The following MAP3K15 variants were observed in gnomAD, a reference collection of about 807,000 sequenced individuals.
MAP3K15 encodes MAPK/ERK kinase kinase 15.
Under a neutral mutation model 99.5 loss-of-function variants are expected in MAP3K15, and 124 were observed. The ratio of observed to expected loss-of-function variants is 1.25; its 90% CI spans 1.08 to 1.45. MAP3K15 has a LOEUF of 1.45. Ranked by LOEUF, MAP3K15 falls within the 40% of genes most tolerant of loss-of-function variation. MAP3K15 has a pLI of 0.00. For missense variants in MAP3K15, 1,242 were observed against 1,079.7 expected, an observed-to-expected ratio of 1.15 and a Z score of -2.11; for synonymous variants, 494 against 439.6, an observed-to-expected ratio of 1.12 and a Z score of -1.55.
At chrX:19,462,252 A>G (rs1455787442) in intron 4 of MAP3K15, among the ~76,000 whole-genome samples, 2 of 112,385 alleles carry the variant, frequency 1.8e-5, no homozygotes, top group Non-Finnish European at 3.8e-5. Context: ...GAGGACCTCC[A>G]TTAACATTTA....
chrX:19,456,834 C>A, intron 6 of MAP3K15, 79 bp downstream of exon 6: 1 of 730,458 alleles, frequency 1.4e-6, no homozygotes, highest in Non-Finnish European at 2.0e-6. Context: ...CTGGCTCATA[C>A]CCGATGTTGA....
chrX:19,506,766 C>T (rs150030548), intron 1 of MAP3K15, among the ~76,000 whole-genome samples: 3,397 of 111,646 alleles, frequency 0.03, 109 homozygotes, highest in African/African-American at 0.093. Context: ...TCCAATGATC[C>T]GCCTGCCTTG....
intron 25 of MAP3K15, among the ~76,000 whole-genome samples, chrX:19,364,295 A>G (rs1166369181): frequency 8.9e-6 from 1 of 112,106 alleles, no homozygotes; most frequent in South Asian, 3.7e-4. Flanking sequence ...CTGTGCCTCA[A>G]ACTTCCCCCA....
Position 19,362,763 on chromosome X carries a change from G to T in MAP3K15, c.3654C>A (p.His1218Gln), listed in dbSNP as rs149055708. Residue 1218 changes from histidine to glutamine, a missense_variant, in exon 26 of 29, where the codon CAC becomes CAA. Physicochemically the swap from His to Gln is conservative, Grantham distance 24. Transcript: ENST00000338883. ...TLEQKTQELY[H>Q]LQLKLKSNCI... is the part of the protein sequence containing the mutation. The stretch of plus-strand genomic sequence containing the variant: ...AATTCGATTTTAATTTTAACTGAAG[G>T]TGATACAATTCTTGAGTTTTCTGTT... The T allele has an allele frequency of 1.4e-5, 17 of 1,176,099 alleles. No homozygotes were observed. In the African/African-American group the frequency reaches 2.1e-4, roughly 15 times the overall value.
Position 19,360,775 on chromosome X carries a change from C to A in MAP3K15, c.3916G>T (p.Ala1306Ser). ...CAAGCCTTGTCTTTGGTTTCTGAGGCCTCCTGAGCCCTTCTGTACTGGGAG... is the reference window on the plus strand; with the variant it reads ...CAAGCCTTGTCTTTGGTTTCTGAGGACTCCTGAGCCCTTCTGTACTGGGAG... Reference protein sequence around the residue: ...AVSQYRRAQEASETKDKA With the variant: ...AVSQYRRAQESSETKDKA Residue 1306 changes from alanine (A) to serine (S), a missense_variant, in exon 29 of 29, where the codon GCC (alanine) becomes TCC (serine). Physicochemically the swap from Ala to Ser is moderately conservative, Grantham distance 99. Coordinates refer to ENST00000338883, the MANE Select transcript of MAP3K15 (RefSeq NM_001001671.4). The A allele has an allele frequency of 8.3e-7, 1 of 1,208,759 alleles. No individual in the cohort carries two copies. Among genetic ancestry groups the A allele is most frequent in the Non-Finnish European group, 1.1e-6 (1 of 894,206 alleles).
At chrX:19,470,661 G>A (rs112992974) in intron 3 of MAP3K15, among the ~76,000 whole-genome samples, 15 of 111,416 alleles carry the variant, frequency 1.3e-4, no homozygotes, top group African/African-American at 2.3e-4. Context: ...AACATGCCCC[G>A]GAGGCAGAAG....
rs761184810 is a variant in MAP3K15 at position 19,514,922 on chromosome X, G to C, written c.340C>G (p.Leu114Val). The change falls in exon 1 of 29, where the codon CTC becomes GTC. Residue 114 changes from leucine to valine, a missense_variant. Leu to Val is a conservative substitution (Grantham distance 32). Coordinates refer to ENST00000338883, the MANE Select transcript of MAP3K15 (RefSeq NM_001001671.4). The stretch of plus-strand genomic sequence containing the variant: ...TCACCTGCGTCGTAGAAGGCGTCGA[G>C]CACGGCCGTCTCCCCGAAGTCCAGC... ...GELDFGETAV[L>V]DAFYDADVAV... The C allele has an allele frequency of 8.8e-7, 1 of 1,139,495 alleles. No individual in the cohort carries two copies. The highest frequency in any genetic ancestry group is 1.2e-6 in the Non-Finnish European group (1 of 863,246). The allele number at this position is 1,139,495 out of a possible 1,213,427, so 93.9% of individuals were successfully genotyped here.
Position 19,488,842 on chromosome X carries a change from C to T in MAP3K15, c.487G>A (p.Ala163Thr), listed in dbSNP as rs908078629. ...ILYHDTDADTALSLKDMVTQK... is the reference protein window; with the variant it reads ...ILYHDTDADTTLSLKDMVTQK... ...ATACACTGTACCTTCAAAGAGAGAG[C>T]AGTGTCGGCATCGGTGTCATGGTAC... The change falls in exon 2 of 29, where the codon GCT becomes ACT. Residue 163 changes from alanine to threonine, a missense_variant. Transcript: ENST00000338883. The T allele has an allele frequency of 2.5e-6, 3 of 1,196,810 alleles. No homozygotes were observed. In the African/African-American group the frequency reaches 5.3e-5, roughly 21 times the overall value.
intron 16 of MAP3K15, among the ~76,000 whole-genome samples, chrX:19,393,191 G>A (rs902946857): frequency 1.8e-5 from 2 of 111,610 alleles, no homozygotes; most frequent in East Asian, 2.8e-4. Context: ...CTCAGACATC[G>A]GCTGGTCTCA....
At chrX:19,371,312 G>A (rs375784052) in intron 23 of MAP3K15, 33 bp downstream of exon 23, 2 of 1,179,800 alleles carry the variant, frequency 1.7e-6, no homozygotes, top group South Asian at 1.8e-5. Flanking sequence ...TCCAAGATCT[G>A]GTGTGTTCCC....
intron 18 of MAP3K15, among the ~76,000 whole-genome samples, chrX:19,388,828 G>T (rs1462250286): frequency 9.0e-6 from 1 of 111,715 alleles, no homozygotes; most frequent in Non-Finnish European, 1.9e-5. Flanking sequence ...GTTCACACAC[G>T]CTTTGTATGT....
intron 3 of MAP3K15, 41 bp downstream of exon 3, chrX:19,486,441 T>G (rs763547876): frequency 2.1e-5 from 14 of 659,831 alleles, no homozygotes; most frequent in Non-Finnish European, 3.0e-5. Flanking sequence ...GACATTTACA[T>G]TTAATTTCAG....
At chrX:19,487,625 C>T (rs916302578) in intron 2 of MAP3K15, among the ~76,000 whole-genome samples, 2 of 111,821 alleles carry the variant, frequency 1.8e-5, no homozygotes, top group African/African-American at 6.5e-5. Context: ...TATTAAAATA[C>T]AGTATTTTGC....
chrX:19,403,238 T>TA (rs35044536), intron 13 of MAP3K15, among the ~76,000 whole-genome samples: 11 of 110,850 alleles, frequency 9.9e-5, no homozygotes, highest in African/African-American at 2.9e-4. Context: ...TACACATCAA[T>TA]AAAAAAATTA....
At chrX:19,482,784 AC>A (rs112593706) in intron 3 of MAP3K15, among the ~76,000 whole-genome samples, 2,939 of 111,990 alleles carry the variant, frequency 0.026, 44 homozygotes, top group Middle Eastern at 0.064. Flanking sequence ...TTTCAAAAAA[AC>A]AAAACAAAAC....
At chrX:19,408,117 T>C (rs1217299068) in intron 12 of MAP3K15, among the ~76,000 whole-genome samples, 1 of 111,722 alleles carries the variant, frequency 9.0e-6, no homozygotes, top group Admixed American at 9.5e-5. Flanking sequence ...TGAGCAGGTT[T>C]TGAAAATCAA....
intron 1 of MAP3K15, among the ~76,000 whole-genome samples, chrX:19,492,218 G>A (rs1167402938): frequency 9.1e-6 from 1 of 109,823 alleles, no homozygotes; most frequent in Non-Finnish European, 1.9e-5. Flanking sequence ...CCTCAACAAC[G>A]ATCAACTCAA....
At chrX:19,414,071 G>C (rs2063712689) in intron 10 of MAP3K15, among the ~76,000 whole-genome samples, 1 of 104,957 alleles carries the variant, frequency 9.5e-6, no homozygotes. Flanking sequence ...TGAGGCAGGA[G>C]AATCACTTGA....
chrX:19,367,339 G>A (rs1243452560), intron 25 of MAP3K15, among the ~76,000 whole-genome samples: 3 of 110,912 alleles, frequency 2.7e-5, no homozygotes, highest in Non-Finnish European at 3.8e-5. Flanking sequence ...TGGAGGCTGG[G>A]AGGAGGATCA....
Sources: gnomAD v4.1 joint callset for allele counts (sites outside exome capture counted in the v4.1 genomes callset) on GRCh38, gnomAD v4.1.1 for gene constraint, MANE v1.5 for transcripts, NCBI Gene and HGNC (gene_info 2026-07-23, HGNC 2026-07-21) for gene names.